Variants in INPP5D observed in about 807,000 individuals in gnomAD.
The protein encoded by INPP5D is inositol polyphosphate-5-phosphatase D.
In INPP5D, 33 loss-of-function variants were observed where a neutral mutation model predicts 122.9. That is an observed-to-expected ratio of 0.27 (90% confidence interval 0.20 to 0.36). The LOEUF (loss-of-function observed/expected upper bound fraction) is 0.36. INPP5D is among the 10% of genes least tolerant of loss of function. The pLI, the probability that INPP5D is intolerant of heterozygous loss-of-function variation, is 1.00. For synonymous variants in INPP5D, 584 were observed against 576.2 expected (o/e 1.01, Z -0.19); for missense variants, 1,053 against 1,412.7 (o/e 0.75, Z 4.08).
Position 233,163,694 on chromosome 2 carries a change from T to C in INPP5D, c.1241-13T>C. 2 of 1,613,620 alleles carry C rather than the reference T, an allele frequency of 1.2e-6. 1 individual carries two copies. Among genetic ancestry groups the C allele is most frequent in the South Asian group, 2.2e-5 (2 of 91,048 alleles). On this transcript the variant is annotated splice_polypyrimidine_tract_variant and intron_variant, in intron 11 of 26. Transcript: ENST00000445964. Reference sequence around the variant, plus strand: ...GCCTTTGACTCACTTGGTGTTGGGTTTTGCTGTTGAAGGTAACGCCCCCCC... The same window carrying C: ...GCCTTTGACTCACTTGGTGTTGGGTCTTGCTGTTGAAGGTAACGCCCCCCC...
chr2:233,061,792 G>A (rs948767201), intron 1 of INPP5D, among the ~76,000 whole-genome samples: 6 of 152,250 alleles, frequency 3.9e-5, no homozygotes, highest in Admixed American at 3.3e-4. Flanking sequence ...CCCAGAGGCT[G>A]CAGCTGAGAC....
intron 2 of INPP5D, among the ~76,000 whole-genome samples, chr2:233,095,223 A>G (rs751487324): frequency 1.4e-4 from 21 of 152,218 alleles, no homozygotes; most frequent in Admixed American, 3.3e-4. Flanking sequence ...GTTTTTGTTT[A>G]AGGGATAGAT....
At chr2:233,185,159 A>G (rs7584458) in intron 20 of INPP5D, among the ~76,000 whole-genome samples, 106,752 of 151,748 alleles carry the variant, frequency 0.7, 37,911 homozygotes, top group African/African-American at 0.78. Flanking sequence ...CTGCACAGTG[A>G]TCGGGGGAGG....
chr2:233,179,963 C>T (rs887710767), intron 18 of INPP5D, among the ~76,000 whole-genome samples: 3 of 152,194 alleles, frequency 2.0e-5, no homozygotes, highest in Non-Finnish European at 4.4e-5. Context: ...CTCACCTCTG[C>T]TCTAGTTGGT....
chr2:233,174,791 CAAAAAA>C (rs34082998), intron 17 of INPP5D, among the ~76,000 whole-genome samples: 9 of 96,862 alleles, frequency 9.3e-5, no homozygotes, highest in African/African-American at 2.1e-4. Flanking sequence ...GACCCTGTCT[CAAAAAA>C]AAAAAAAAAA....
chr2:233,101,314 A>G (rs1402477984), intron 2 of INPP5D, among the ~76,000 whole-genome samples: 1 of 152,112 alleles, frequency 6.6e-6, no homozygotes, highest in Non-Finnish European at 1.5e-5. Flanking sequence ...TTGAGCCTGT[A>G]GGAGCCAGTG....
In INPP5D at chr2:233,064,692, G is replaced by A. The variant is rs182167743; in HGVS notation, c.134+4080G>A. ...TTGCATGCATGATCTTCCTGGAAGC[G>A]AGAAACAGAGACCATAAGGTGGCCT... is the stretch of plus-strand genomic sequence containing the variant. On this transcript the variant is annotated intron_variant, in intron 1 of 26. Coordinates refer to ENST00000445964, the MANE Select transcript of INPP5D (RefSeq NM_001017915.3). Among the ~76,000 whole-genome samples the A allele has an allele frequency of 1.4e-4, 22 of 152,318 alleles. 1 individual carries two copies. The South Asian group carries it at 3.5e-3, about 24-fold the overall frequency.
chr2:233,079,471 G>A lies in INPP5D; in HGVS notation c.198+73G>A. 4.1e-6 allele frequency: 4 copies of A among 984,698 alleles called. No homozygotes were observed. The South Asian group carries it at 5.2e-5, about 13-fold the overall frequency. 61.0% of individuals were successfully genotyped at this position (984,698 alleles called of 1,614,324 possible). ...CTGGCAGAGAAAGGGTGTAAACGAT[G>A]AGGAAGGAAGTGCACGCGCAGGTAG... On this transcript the variant is annotated intron_variant, in intron 2 of 26. Transcript: ENST00000445964.
intron 10 of INPP5D, 141 bp from the exon 11 acceptor site, chr2:233,161,583 C>T (rs1268718095): frequency 2.5e-5 from 30 of 1,206,468 alleles, no homozygotes; most frequent in Middle Eastern, 2.0e-4. Flanking sequence ...ACTTTGGACA[C>T]ATGTTTCCAG....
At chr2:233,181,045 T>C (rs1694771258) in intron 18 of INPP5D, among the ~76,000 whole-genome samples, 1 of 152,188 alleles carries the variant, frequency 6.6e-6, no homozygotes, top group African/African-American at 2.4e-5. Context: ...TAGCCTCCTC[T>C]TTCTTTCCTG....
intron 1 of INPP5D, among the ~76,000 whole-genome samples, chr2:233,065,111 C>T (rs191108411): frequency 4.6e-4 from 70 of 152,246 alleles, no homozygotes; most frequent in Non-Finnish European, 8.5e-4. Context: ...ATTTCACTCA[C>T]TAACTGTATC....
At chr2:233,092,644 A>G (rs1415459364) in intron 2 of INPP5D, among the ~76,000 whole-genome samples, 2 of 152,194 alleles carry the variant, frequency 1.3e-5, no homozygotes, top group African/African-American at 2.4e-5. Context: ...GAAAGGGGAA[A>G]TGGAAATAGC....
rs187367693 is a variant in INPP5D at position 233,204,071 on chromosome 2, C to T, written c.2976-55C>T. The T allele has an allele frequency of 1.4e-5, 20 of 1,451,002 alleles. 1 individual carries two copies. In the East Asian group the frequency reaches 1.5e-4, roughly 11 times the overall value. The allele number at this position is 1,451,002 out of a possible 1,614,324, so 89.9% of individuals were successfully genotyped here. ...GACCCAGAGCCATTAAGCAGCCATG[C>T]TCCCATGTCTTCTCCCCTGGACATG... On this transcript the variant is annotated intron_variant, in intron 25 of 26. Transcript: ENST00000445964.
intron 1 of INPP5D, among the ~76,000 whole-genome samples, chr2:233,066,046 C>G (rs979809375): frequency 6.6e-6 from 1 of 152,066 alleles, no homozygotes; most frequent in Admixed American, 6.6e-5. Flanking sequence ...TCACTGCAGC[C>G]TTGCTTGATC....
chr2:233,069,052 T>C (rs1479416646), intron 1 of INPP5D, among the ~76,000 whole-genome samples: 2 of 152,232 alleles, frequency 1.3e-5, no homozygotes, highest in Non-Finnish European at 2.9e-5. Flanking sequence ...GAGCACAGCA[T>C]GTTCCATGAC....
chr2:233,113,888 T>C (rs1692705411), intron 2 of INPP5D, among the ~76,000 whole-genome samples: 3 of 151,256 alleles, frequency 2.0e-5, no homozygotes, highest in African/African-American at 4.9e-5. Flanking sequence ...TAATTGCCTT[T>C]AGTGCCTCCA....
At chr2:233,187,532 C>T (rs1343726710) in intron 21 of INPP5D, among the ~76,000 whole-genome samples, 1 of 152,184 alleles carries the variant, frequency 6.6e-6, no homozygotes, top group African/African-American at 2.4e-5. Context: ...GCTGGACCCA[C>T]ATTGGCATTA....
intron 2 of INPP5D, among the ~76,000 whole-genome samples, chr2:233,091,320 A>C (rs1691987914): frequency 6.6e-6 from 1 of 152,156 alleles, no homozygotes; most frequent in Non-Finnish European, 1.5e-5. Flanking sequence ...CATTGCCACT[A>C]TAACAAATTT....
chr2:233,112,505 C>T (rs142989859), intron 2 of INPP5D, among the ~76,000 whole-genome samples: 274 of 152,216 alleles, frequency 1.8e-3, no homozygotes, highest in African/African-American at 6.3e-3. Context: ...TAGAATCAGC[C>T]ATTTCTCAAG....
Sources: gnomAD v4.1 joint callset for allele counts (sites outside exome capture counted in the v4.1 genomes callset) on GRCh38, gnomAD v4.1.1 for gene constraint, MANE v1.5 for transcripts, NCBI Gene and HGNC (gene_info 2026-07-23, HGNC 2026-07-21) for gene names.